Variants in ZNF423 observed in about 807,000 individuals in gnomAD.
ZNF423 encodes zinc finger protein 423, also known as Ebf-associated zinc finger protein.
Under a neutral mutation model 95.8 loss-of-function variants are expected in ZNF423, and 12 were observed. That is an observed-to-expected ratio of 0.13 (90% CI 0.08 to 0.20). The LOEUF (loss-of-function observed/expected upper bound fraction) is 0.20. Ranked by LOEUF, ZNF423 falls within the 10% of genes least tolerant of loss-of-function variation. The pLI is 1.00. For missense variants in ZNF423, 1,316 were observed against 1,737.1 expected (o/e 0.76, Z 4.31); for synonymous variants, 749 against 711.9 (o/e 1.05, Z -0.83).
chr16:49,618,912 C>T (rs1272896020), intron 5 of ZNF423, among the ~76,000 whole-genome samples: 1 of 152,158 alleles, frequency 6.6e-6, no homozygotes, highest in Non-Finnish European at 1.5e-5. Flanking sequence ...TCCTCCTATC[C>T]AACATCCTCA....
intron 4 of ZNF423, among the ~76,000 whole-genome samples, chr16:49,627,755 T>A (rs28972953): frequency 0.029 from 3,892 of 136,372 alleles, 90 homozygotes; most frequent in Non-Finnish European, 0.047. Flanking sequence ...TCCATCTACA[T>A]AAACACCCAC....
At chr16:49,747,445 G>C (rs1046288135) in intron 2 of ZNF423, among the ~76,000 whole-genome samples, 4 of 151,990 alleles carry the variant, frequency 2.6e-5, no homozygotes, top group African/African-American at 9.7e-5. Context: ...CCAGAAACAA[G>C]ACATACAGGG....
chr16:49,563,341 T>G (rs1970079066), intron 5 of ZNF423, among the ~76,000 whole-genome samples: 2 of 152,204 alleles, frequency 1.3e-5, no homozygotes, highest in Admixed American at 6.5e-5. Context: ...GCTAGCTCTC[T>G]TCCCTCTTAT....
At chr16:49,842,316 GGGAAGGGA>G (rs2035194692) in intron 1 of ZNF423, among the ~76,000 whole-genome samples, 1 of 74,786 alleles carries the variant, frequency 1.3e-5, no homozygotes. Context: ...GGCGAGGGAA[GGGAAGGGA>G]AGGGAAGGGA....
chr16:49,511,664 AC>A (rs1228264495), intron 7 of ZNF423, among the ~76,000 whole-genome samples: 1 of 152,098 alleles, frequency 6.6e-6, no homozygotes, highest in Non-Finnish European at 1.5e-5. Context: ...GTCAGTGTCC[AC>A]CCCAGACTTC....
chr16:49,569,989 C>T (rs545797202), intron 5 of ZNF423, among the ~76,000 whole-genome samples: 1 of 152,298 alleles, frequency 6.6e-6, no homozygotes, highest in East Asian at 1.9e-4. Context: ...TGAACTAGCA[C>T]TTGAAGCCAT....
chr16:49,817,669 A>C (rs1482790801), intron 1 of ZNF423, among the ~76,000 whole-genome samples: 1 of 152,184 alleles, frequency 6.6e-6, no homozygotes, highest in African/African-American at 2.4e-5. Context: ...AGGTAGGAGA[A>C]ATGGGGACAG....
intron 1 of ZNF423, among the ~76,000 whole-genome samples, chr16:49,808,966 T>C (rs2034708519): frequency 6.6e-6 from 1 of 152,110 alleles, no homozygotes. Flanking sequence ...AGGATACCAC[T>C]GAGGGCCAGA....
intron 3 of ZNF423, among the ~76,000 whole-genome samples, chr16:49,718,697 G>T (rs1433560728): frequency 6.6e-6 from 1 of 152,108 alleles, no homozygotes. Context: ...TCTGTGTCTG[G>T]TGAGGGCGCA....
At chr16:49,640,132 G>A (rs960215550) in intron 3 of ZNF423, among the ~76,000 whole-genome samples, 6 of 152,108 alleles carry the variant, frequency 3.9e-5, no homozygotes, top group East Asian at 1.9e-4. Context: ...CTCTCCAGCC[G>A]CCAGCCAGCC....
intron 1 of ZNF423, among the ~76,000 whole-genome samples, chr16:49,798,444 G>C (rs986853541): frequency 2.0e-5 from 3 of 152,094 alleles, no homozygotes; most frequent in African/African-American, 7.2e-5. Flanking sequence ...GGAGGCAGAG[G>C]TTGCAGTGAG....
intron 5 of ZNF423, among the ~76,000 whole-genome samples, chr16:49,553,665 G>C (rs1719979623): frequency 1.3e-5 from 2 of 151,782 alleles, no homozygotes; most frequent in African/African-American, 4.8e-5. Flanking sequence ...TTTTTTTTTA[G>C]ATATGGGGTC....
intron 5 of ZNF423, among the ~76,000 whole-genome samples, chr16:49,584,310 C>T (rs1970755259): frequency 6.6e-6 from 1 of 152,156 alleles, no homozygotes; most frequent in African/African-American, 2.4e-5. Context: ...GGAGCTGGGC[C>T]TCTATTGTGG....
At chr16:49,832,893 G>C (rs1423028704) in intron 1 of ZNF423, among the ~76,000 whole-genome samples, 1 of 152,226 alleles carries the variant, frequency 6.6e-6, no homozygotes, top group East Asian at 1.9e-4. Flanking sequence ...GGAGACAGAA[G>C]CAAGAACTCC....
chr16:49,593,673 C>T (rs1971089933), intron 5 of ZNF423, among the ~76,000 whole-genome samples: 1 of 152,144 alleles, frequency 6.6e-6, no homozygotes, highest in Non-Finnish European at 1.5e-5. Context: ...ATACATGAAA[C>T]ACCCAAGCCC....
intron 3 of ZNF423, among the ~76,000 whole-genome samples, chr16:49,664,959 T>C (rs1268982730): frequency 1.3e-5 from 2 of 152,218 alleles, no homozygotes; most frequent in Admixed American, 1.3e-4. Context: ...TGCTTGCCTG[T>C]AAGTGCTGTA....
intron 2 of ZNF423, among the ~76,000 whole-genome samples, chr16:49,740,095 C>G (rs2033382839): frequency 6.6e-6 from 1 of 151,926 alleles, no homozygotes; most frequent in South Asian, 2.1e-4. Flanking sequence ...TCTCAAACTC[C>G]CAGCCTCAAG....
intron 5 of ZNF423, among the ~76,000 whole-genome samples, chr16:49,617,193 C>T (rs1009264090): frequency 3.9e-5 from 6 of 152,164 alleles, no homozygotes; most frequent in African/African-American, 9.7e-5. Context: ...AGCTTCAGGA[C>T]GCTCCTGAGG....
At chr16:49,547,157 G>A (rs542427406) in intron 5 of ZNF423, among the ~76,000 whole-genome samples, 7 of 152,262 alleles carry the variant, frequency 4.6e-5, no homozygotes, top group African/African-American at 1.7e-4. Context: ...CTCAAGGGGT[G>A]CAATGGTTTA....
Sources: allele counts gnomAD v4.1 joint callset (sites outside exome capture counted in the v4.1 genomes callset), GRCh38; gene constraint gnomAD v4.1.1; transcripts MANE v1.5; gene names NCBI Gene and HGNC (gene_info 2026-07-23, HGNC 2026-07-21).